Variants in NBAS observed in about 807,000 individuals in gnomAD.
NBAS encodes NBAS subunit of NRZ tethering complex, also known as NAG/BC035112 fusion.
A neutral mutation model predicts 302.5 loss-of-function variants in NBAS; 219 were observed. The ratio of observed to expected loss-of-function variants is 0.72; its 90% CI spans 0.65 to 0.81. The LOEUF (loss-of-function observed/expected upper bound fraction) is 0.81, where lower values mean the gene tolerates loss of function less well. Ranked by LOEUF, NBAS falls within the 30% of genes least tolerant of loss-of-function variation. The pLI is 0.00. For synonymous variants in NBAS, 1,118 were observed against 1,021.6 expected (o/e 1.09, Z -1.80); for missense variants, 2,932 against 2,841.6 (o/e 1.03, Z -0.72).
the NBAS span, among the ~76,000 whole-genome samples, chr2:14,948,926 C>T: frequency 2.0e-5 from 3 of 152,166 alleles, no homozygotes; most frequent in South Asian, 2.1e-4. Context: ...GAATAAAGCA[C>T]CCAAATATAA....
At chr2:14,876,451 T>G in the NBAS span, among the ~76,000 whole-genome samples, 2 of 152,216 alleles carry the variant, frequency 1.3e-5, no homozygotes, top group Non-Finnish European at 2.9e-5. Context: ...AGTCCAGCCT[T>G]GTATTCAGCA....
intron 38 of NBAS, among the ~76,000 whole-genome samples, chr2:15,319,709 CTT>C (rs1491576237): frequency 1.3e-5 from 2 of 151,406 alleles, no homozygotes; most frequent in African/African-American, 4.9e-5. Context: ...GAAGTTGACT[CTT>C]TGAATAGACA....
intron 40 of NBAS, 85 bp from the exon 41 acceptor site, chr2:15,292,851 TG>T: frequency 7.6e-7 from 1 of 1,307,872 alleles, no homozygotes; most frequent in Non-Finnish European, 1.1e-6. Flanking sequence ...AGACCATGTC[TG>T]CAAGGAACTG....
At chr2:14,894,929 GC>G in the NBAS span, among the ~76,000 whole-genome samples, 1 of 152,092 alleles carries the variant, frequency 6.6e-6, no homozygotes, top group African/African-American at 2.4e-5. Flanking sequence ...GTGGTGAAGC[GC>G]CTATGGTCCC....
At chr2:15,397,549 T>A in intron 26 of NBAS, 1 of 613,510 alleles carries the variant, frequency 1.6e-6, no homozygotes, top group Non-Finnish European at 3.0e-6. Flanking sequence ...TGCTGTGAAT[T>A]GCACAACCCA....
At chr2:14,914,675 C>T in the NBAS span, among the ~76,000 whole-genome samples, 2 of 152,134 alleles carry the variant, frequency 1.3e-5, no homozygotes, top group African/African-American at 4.8e-5. Context: ...TAATTGTAGC[C>T]TCTTACTAAA....
At chr2:15,384,491 T>C (rs1019359) in intron 28 of NBAS, among the ~76,000 whole-genome samples, 94,106 of 151,654 alleles carry the variant, frequency 0.62, 29,990 homozygotes, top group Middle Eastern at 0.69. Flanking sequence ...TTGTATAGCA[T>C]AAAGATTAAC....
chr2:15,190,178 A>C, intron 49 of NBAS, 86 bp downstream of exon 49: 1 of 1,470,552 alleles, frequency 6.8e-7, no homozygotes, highest in South Asian at 1.2e-5. Flanking sequence ...TTATTCTTTC[A>C]TTGGCTCTTT....
chr2:14,896,034 T>C, the NBAS span, among the ~76,000 whole-genome samples: 6 of 151,120 alleles, frequency 4.0e-5, no homozygotes, highest in African/African-American at 1.5e-4. Context: ...ATGTTTAAAA[T>C]ACAGAATAAG....
intron 31 of NBAS, among the ~76,000 whole-genome samples, chr2:15,368,725 G>A (rs1402660405): frequency 6.6e-6 from 1 of 152,032 alleles, no homozygotes; most frequent in Non-Finnish European, 1.5e-5. Flanking sequence ...CATGAGGCTT[G>A]GCCCTGTGAC....
intron 11 of NBAS, among the ~76,000 whole-genome samples, chr2:15,489,498 C>A (rs1437322813): frequency 6.6e-6 from 1 of 151,878 alleles, no homozygotes; most frequent in Non-Finnish European, 1.5e-5. Flanking sequence ...TAGAAAAGAG[C>A]TAGAGAAAGA....
At chr2:14,940,214 G>C in the NBAS span, among the ~76,000 whole-genome samples, 1 of 152,154 alleles carries the variant, frequency 6.6e-6, no homozygotes. Context: ...TGCTGCTCAA[G>C]CCTCCAATAG....
the NBAS span, among the ~76,000 whole-genome samples, chr2:14,931,182 G>T: frequency 6.6e-6 from 1 of 152,228 alleles, no homozygotes; most frequent in African/African-American, 2.4e-5. Context: ...AAGTGAGGCA[G>T]GATACAGAGG....
chr2:15,102,236 A>G, the NBAS span, among the ~76,000 whole-genome samples: 1 of 152,168 alleles, frequency 6.6e-6, no homozygotes, highest in Non-Finnish European at 1.5e-5. Flanking sequence ...AAAGGCAATA[A>G]CAAGCACCAA....
the NBAS span, among the ~76,000 whole-genome samples, chr2:15,007,102 T>C: frequency 1.3e-5 from 2 of 152,234 alleles, no homozygotes; most frequent in Non-Finnish European, 2.9e-5. Context: ...CAGGACCATA[T>C]ATCATTTCAC....
the NBAS span, among the ~76,000 whole-genome samples, chr2:15,057,142 G>A: frequency 5.9e-5 from 9 of 152,064 alleles, no homozygotes; most frequent in Middle Eastern, 0.014. Context: ...AATTTCTAAT[G>A]GTCATCGACA....
chr2:14,877,285 G>A, the NBAS span, among the ~76,000 whole-genome samples: 3 of 152,044 alleles, frequency 2.0e-5, no homozygotes, highest in African/African-American at 7.2e-5. Context: ...TATTAATGTG[G>A]CTGCTTCTCT....
rs113852386 is a variant in NBAS, at chr2:15,330,739, A to G, written c.4206T>C (p.Asn1402=). 17 of 1,613,994 alleles carry G rather than the reference A, an allele frequency of 1.1e-5. No homozygotes were observed. The highest frequency in any genetic ancestry group is 9.3e-5 in the African/African-American group (7 of 75,032). The change falls in exon 36 of 52, where the codon AAT becomes AAC. Residue 1402 remains asparagine (N), a synonymous_variant. Transcript: ENST00000281513. The stretch of plus-strand genomic sequence containing the variant: ...TGGTCCAGCGCAATAGGTCAGCTGA[A>G]TTGCTACCTGGAACACCTACTTCAT... ...QEDEVGVPGS[N]SADLLRWTTA...
rs573330033 is a variant in NBAS, at chr2:15,211,571, A to G, written c.6432+7202T>C. ...CATTCACATACTTTTATTTTTCGTG[A>G]CAATTTTTTTTCCTTTTCCTTCAAC... is the stretch of plus-strand genomic sequence containing the variant. On this transcript the variant is annotated intron_variant, in intron 48 of 51. Transcript: ENST00000281513. Among the ~76,000 whole-genome samples, 6 of 152,320 alleles carry G rather than the reference A, an allele frequency of 3.9e-5. No individual in the cohort carries two copies. In the South Asian group the frequency reaches 1.2e-3, roughly 32 times the overall value.
Sources: gnomAD v4.1 joint callset for allele counts (sites outside exome capture counted in the v4.1 genomes callset) on GRCh38, gnomAD v4.1.1 for gene constraint, MANE v1.5 for transcripts, NCBI Gene and HGNC (gene_info 2026-07-23, HGNC 2026-07-21) for gene names.